ASPH: variants seen among roughly 807,000 people sequenced by gnomAD.
The protein encoded by ASPH is aspartyl/asparaginyl beta-hydroxylase.
A neutral mutation model predicts 118.4 loss-of-function variants in ASPH; 100 were observed. The ratio of observed to expected loss-of-function variants is 0.84; its 90% CI spans 0.72 to 1.00. The LOEUF is 1.00. Among genes scored for constraint, ASPH ranks in the 50% least tolerant of loss-of-function variants. The probability of loss-of-function intolerance (pLI) is 0.00; values close to 1 mark genes in which losing one functional copy is unlikely to be tolerated. For synonymous variants in ASPH, 315 were observed against 325.6 expected, an observed-to-expected ratio of 0.97 and a Z score of 0.35; for missense variants, 920 against 919.5, an observed-to-expected ratio of 1.00 and a Z score of -0.01.
At chr8:61,523,385 G>A (rs532606483) in intron 22 of ASPH, among the ~76,000 whole-genome samples, 5 of 144,396 alleles carry the variant, frequency 3.5e-5, no homozygotes, top group African/African-American at 1.0e-4. Flanking sequence ...GCATGATCTC[G>A]GCTCACTGCA....
At chr8:61,523,444 TAGC>T (rs2129622351) in intron 22 of ASPH, among the ~76,000 whole-genome samples, 2 of 151,472 alleles carry the variant, frequency 1.3e-5, no homozygotes, top group African/African-American at 4.8e-5. Flanking sequence ...GCCTCCCGAG[TAGC>T]TGGAATTACA....
intron 3 of ASPH, chr8:61,675,817 C>T (rs1824981921): frequency 1.6e-6 from 2 of 1,281,254 alleles, no homozygotes; most frequent in Non-Finnish European, 9.9e-7. Context: ...AATTATACCA[C>T]CAAGAACATC....
intron 21 of ASPH, among the ~76,000 whole-genome samples, chr8:61,534,849 A>T (rs1818903837): frequency 6.6e-6 from 1 of 152,242 alleles, no homozygotes; most frequent in Non-Finnish European, 1.5e-5. Flanking sequence ...ATAACAAAGT[A>T]TCACTGGGTG....
chr8:61,656,665 T>C (rs1438727406), intron 3 of ASPH: 2 of 152,228 alleles, frequency 1.3e-5, no homozygotes, highest in Non-Finnish European at 2.9e-5. Context: ...AAAACATACC[T>C]TGGTTTTAGT....
At position 61,598,457 on chromosome 8, in the gene ASPH, T is replaced by C. The variant is rs1363914853; in HGVS notation, c.977-14428A>G. On this transcript the variant is annotated intron_variant, in intron 14 of 24. Transcript: ENST00000379454. ...AAGGGATCAATTCTTCAAGAGGACA[T>C]AATTCCACATATATATGCATCCAGA... is the stretch of plus-strand genomic sequence containing the variant. Among the ~76,000 whole-genome samples, 8 of 152,316 alleles carry C rather than the reference T, an allele frequency of 5.3e-5. No homozygotes were observed. In the East Asian group the frequency reaches 1.5e-3, roughly 29 times the overall value.
At chr8:61,691,300 C>T (rs1209669676) in intron 1 of ASPH, among the ~76,000 whole-genome samples, 8 of 152,152 alleles carry the variant, frequency 5.3e-5, no homozygotes, top group East Asian at 3.9e-4. Flanking sequence ...ATGGTACCAA[C>T]ATTTGATGGT....
chr8:61,672,566 C>T (rs1823153514), intron 3 of ASPH, among the ~76,000 whole-genome samples: 1 of 149,092 alleles, frequency 6.7e-6, no homozygotes, highest in Non-Finnish European at 1.5e-5. Flanking sequence ...GGAGTAACTC[C>T]TCATCCTTCA....
intron 13 of ASPH, among the ~76,000 whole-genome samples, chr8:61,619,894 G>T (rs1850316605): frequency 6.6e-6 from 1 of 152,150 alleles, no homozygotes; most frequent in Non-Finnish European, 1.5e-5. Flanking sequence ...AGGGAACAAG[G>T]CAGAGTCTGG....
chr8:61,675,972 C>G (rs750872524), intron 3 of ASPH: 2 of 1,533,584 alleles, frequency 1.3e-6, no homozygotes, highest in Non-Finnish European at 1.7e-6. Flanking sequence ...AAGATCACAA[C>G]CACCCCACTG....
chr8:61,573,247 T>C lies in ASPH; in HGVS notation c.1149+3525A>G, dbSNP rs529437481. 9.2e-5 allele frequency among the ~76,000 whole-genome samples: 14 copies of C among 152,312 alleles called. No individual in the cohort carries two copies. In the East Asian group the frequency reaches 2.3e-3, roughly 25 times the overall value. ...CAAATGGAAAAACATTCCATGCTCA[T>C]GGATAGGAAGAATCAATATCGTGAA... On this transcript the variant is annotated intron_variant, in intron 16 of 24. Coordinates refer to ENST00000379454, the MANE Select transcript of ASPH (RefSeq NM_004318.4).
chr8:61,648,867 T>C (rs569576940), intron 5 of ASPH, among the ~76,000 whole-genome samples: 1 of 152,110 alleles, frequency 6.6e-6, no homozygotes, highest in African/African-American at 2.4e-5. Context: ...TGCACCATGA[T>C]GGGGGCAGGG....
At chr8:61,678,250 T>G (rs1366747171) in intron 3 of ASPH, among the ~76,000 whole-genome samples, 6 of 152,144 alleles carry the variant, frequency 3.9e-5, no homozygotes, top group Admixed American at 6.6e-5. Context: ...CTCTAAGGAT[T>G]TAGTCCTCGC....
intron 1 of ASPH, among the ~76,000 whole-genome samples, chr8:61,693,451 T>A (rs13271877): frequency 0.84 from 128,248 of 151,836 alleles, 54,378 homozygotes; most frequent in African/African-American, 0.91. Flanking sequence ...CAAAAACAAA[T>A]TTTTTTTCAT....
At chr8:61,664,538 A>T in intron 3 of ASPH, 1 of 985,300 alleles carries the variant, frequency 1.0e-6, no homozygotes, top group Non-Finnish European at 1.2e-6. Context: ...GTACTGGATG[A>T]TGGGAGAAGG....
intron 16 of ASPH, among the ~76,000 whole-genome samples, chr8:61,572,715 C>T (rs943458971): frequency 6.6e-6 from 1 of 152,176 alleles, no homozygotes; most frequent in African/African-American, 2.4e-5. Flanking sequence ...CAATAGCCTT[C>T]TATTCTTTTT....
At chr8:61,675,836 T>A in intron 3 of ASPH, 5 of 1,295,006 alleles carry the variant, frequency 3.9e-6, no homozygotes, top group Non-Finnish European at 4.9e-6. Context: ...TCATTTTCAG[T>A]GTACTTTGTA....
intron 10 of ASPH, among the ~76,000 whole-genome samples, chr8:61,639,443 A>G (rs1378455387): frequency 6.6e-6 from 1 of 152,126 alleles, no homozygotes; most frequent in Non-Finnish European, 1.5e-5. Context: ...CTATATTTTT[A>G]GCAACACCAT....
Position 61,638,137 on chromosome 8 carries a change from T to C in ASPH, c.833-134A>G. ...TTGCTAAATTTGACTCTTTTTAAACTGGGTCTTCTGCAGAGTATTTATATT... is the reference window on the plus strand; with the variant it reads ...TTGCTAAATTTGACTCTTTTTAAACCGGGTCTTCTGCAGAGTATTTATATT... On this transcript the variant is annotated intron_variant, in intron 11 of 24. Coordinates refer to ENST00000379454, the MANE Select transcript of ASPH (RefSeq NM_004318.4). 4.3e-6 allele frequency: 5 copies of C among 1,152,326 alleles called. No homozygotes were observed. The South Asian group carries it at 7.3e-5, about 17-fold the overall frequency. The allele number at this position is 1,152,326 out of a possible 1,614,324, so 71.4% of individuals were successfully genotyped here. A position where few individuals can be genotyped will look rare whatever the true frequency, so the allele number is the denominator to read the frequency against.
At chr8:61,608,077 G>T (rs1408291060) in intron 14 of ASPH, among the ~76,000 whole-genome samples, 1 of 152,152 alleles carries the variant, frequency 6.6e-6, no homozygotes, top group Non-Finnish European at 1.5e-5. Flanking sequence ...ACTGGGAAAG[G>T]CTCACCTTTC....
Sources: allele counts gnomAD v4.1 joint callset (sites outside exome capture counted in the v4.1 genomes callset), GRCh38; gene constraint gnomAD v4.1.1; transcripts MANE v1.5; gene names NCBI Gene and HGNC (gene_info 2026-07-23, HGNC 2026-07-21).